Variants in PFKFB1 observed in about 807,000 individuals in gnomAD.
PFKFB1 encodes the protein 6-phosphofructo-2-kinase/fructose-2,6-biphosphatase 1, also known as 6-phosphofructo-2-kinase/fructose-2,6-bisphosphatase 1.
Under a neutral mutation model 46.4 loss-of-function variants are expected in PFKFB1, and 34 were observed. The ratio of observed to expected loss-of-function variants is 0.73; its 90% CI spans 0.56 to 0.98. The LOEUF (loss-of-function observed/expected upper bound fraction) is 0.98. PFKFB1 is among the 50% of genes least tolerant of loss of function. The probability of loss-of-function intolerance (pLI) is 0.00; values close to 1 mark genes in which losing one functional copy is unlikely to be tolerated. For missense variants in PFKFB1, 393 were observed against 376.3 expected (o/e 1.04, Z -0.37); for synonymous variants, 119 against 133.8 (o/e 0.89, Z 0.76).
At chrX:54,936,313 C>T (rs780009245) in intron 11 of PFKFB1, among the ~76,000 whole-genome samples, 1 of 100,104 alleles carries the variant, frequency 1.0e-5, no homozygotes, top group South Asian at 4.6e-4. Context: ...TTCTGTGGGT[C>T]TGCATTCTCA....
At chrX:54,981,943 C>T (rs182833791) in intron 1 of PFKFB1, among the ~76,000 whole-genome samples, 3 of 111,366 alleles carry the variant, frequency 2.7e-5, no homozygotes, top group Non-Finnish European at 5.7e-5. Context: ...TTGCTTATCT[C>T]GTGCGGAAAG....
chrX:54,962,945 T>C (rs1235897478), intron 2 of PFKFB1, among the ~76,000 whole-genome samples: 1 of 112,208 alleles, frequency 8.9e-6, no homozygotes, highest in Non-Finnish European at 1.9e-5. Context: ...ATGGCAATAA[T>C]AGTAATGGCA....
At chrX:54,982,537 A>T (rs1935020557) in intron 1 of PFKFB1, among the ~76,000 whole-genome samples, 1 of 112,158 alleles carries the variant, frequency 8.9e-6, no homozygotes, top group South Asian at 3.6e-4. Flanking sequence ...ATAAAAAGCA[A>T]TACAGTATAA....
At chrX:54,998,553 AC>A (rs1245864343), upstream of PFKFB1, 2 of 559,434 alleles carry the variant, frequency 3.6e-6, no homozygotes, top group Non-Finnish European at 5.8e-6. Flanking sequence ...CTGAGGACGT[AC>A]CCTTGTTAAG....
intron 11 of PFKFB1, among the ~76,000 whole-genome samples, chrX:54,937,321 C>A (rs779357995): frequency 8.9e-6 from 1 of 112,002 alleles, no homozygotes; most frequent in East Asian, 2.8e-4. Context: ...ATATAGCCCA[C>A]ACAATGTGTC....
At chrX:54,994,526 C>A (rs768831549), upstream of PFKFB1, 55 of 752,921 alleles carry the variant, frequency 7.3e-5, no homozygotes, top group African/African-American at 1.3e-3. Flanking sequence ...TGTCAAGCTC[C>A]AACCCAGAAA....
intron 1 of PFKFB1, among the ~76,000 whole-genome samples, chrX:54,970,323 T>A (rs1934613669): frequency 1.8e-5 from 2 of 111,196 alleles, no homozygotes; most frequent in South Asian, 7.7e-4. Context: ...CAATAATTCA[T>A]TTTTTTATTT....
chrX:54,968,726 T>A (rs1484560583), intron 1 of PFKFB1, among the ~76,000 whole-genome samples: 1 of 111,145 alleles, frequency 9.0e-6, no homozygotes, highest in Non-Finnish European at 1.9e-5. Context: ...GAAATTGAAT[T>A]TGTAATTAAA....
chrX:54,980,373 A>G (rs1410414914), intron 1 of PFKFB1, among the ~76,000 whole-genome samples: 1 of 109,675 alleles, frequency 9.1e-6, no homozygotes, highest in Admixed American at 9.7e-5. Flanking sequence ...GCAAAGTAAA[A>G]AACAATGTTT....
intron 8 of PFKFB1, among the ~76,000 whole-genome samples, chrX:54,950,057 A>G (rs2093644087): frequency 8.9e-6 from 1 of 111,864 alleles, no homozygotes; most frequent in Non-Finnish European, 1.9e-5. Flanking sequence ...GGAACCATAA[A>G]GGGCTGTGGG....
rs1313213154 is a variant in PFKFB1 at position 54,935,004 on chromosome X, G to A, written c.1234C>T (p.Leu412Phe). Reference protein sequence around the residue: ...AYFLDKSSDELPYLKCPLHTV... With the variant: ...AYFLDKSSDEFPYLKCPLHTV... Reference sequence around the variant, plus strand: ...TGCAGAGGGCACTTGAGATATGGAAGCTCATCTAGAAAGGAACAGGAAGCA... The same window carrying A: ...TGCAGAGGGCACTTGAGATATGGAAACTCATCTAGAAAGGAACAGGAAGCA... The change falls in exon 12 of 14, where the codon CTT (leucine) becomes TTT (phenylalanine). Residue 412 changes from leucine to phenylalanine, a missense_variant. Transcript: ENST00000375006. 4 of 1,201,976 alleles carry A rather than the reference G, an allele frequency of 3.3e-6. No individual in the cohort carries two copies. Among genetic ancestry groups the A allele is most frequent in the East Asian group, 3.0e-5 (1 of 33,690 alleles).
intron 13 of PFKFB1, 118 bp from the exon 14 acceptor site, chrX:54,933,580 C>T: frequency 2.1e-5 from 13 of 633,494 alleles, no homozygotes; most frequent in Non-Finnish European, 3.3e-5. Flanking sequence ...GGATCCTGAC[C>T]CTCAGGTAGG....
rs762659769 is a variant in PFKFB1, at chrX:54,933,812, C to T, written c.1356+9G>A. The T allele has an allele frequency of 2.5e-6, 3 of 1,203,146 alleles. No homozygotes were observed. Among genetic ancestry groups the T allele is most frequent in the Non-Finnish European group, 3.4e-6 (3 of 887,796 alleles). On this transcript the variant is annotated intron_variant, in intron 13 of 13. Coordinates refer to ENST00000375006, the MANE Select transcript of PFKFB1 (RefSeq NM_002625.4). ...ACAGCCAGCTTGGGCCATGGAGTCCCCCACCTACCTCAGGCTTCTCCCGGT... is the reference window on the plus strand; with the variant it reads ...ACAGCCAGCTTGGGCCATGGAGTCCTCCACCTACCTCAGGCTTCTCCCGGT...
chrX:54,966,272 G>A (rs1037754904), intron 1 of PFKFB1, among the ~76,000 whole-genome samples: 2 of 111,775 alleles, frequency 1.8e-5, no homozygotes, highest in African/African-American at 3.2e-5. Context: ...GAGAATGCAT[G>A]GACAACTATA....
At chrX:54,946,938 T>C (rs1933829308) in intron 9 of PFKFB1, among the ~76,000 whole-genome samples, 1 of 111,949 alleles carries the variant, frequency 8.9e-6, no homozygotes, top group South Asian at 3.7e-4. Flanking sequence ...TCTTGCTTTA[T>C]CTTCATCCTA....
At chrX:54,946,887 A>C in intron 9 of PFKFB1, among the ~76,000 whole-genome samples, 1 of 112,182 alleles carries the variant, frequency 8.9e-6, no homozygotes, top group Non-Finnish European at 1.9e-5. Context: ...ATGAAGTATT[A>C]ATATTTTATT....
At chrX:54,940,272 C>T (rs1382539745) in intron 10 of PFKFB1, among the ~76,000 whole-genome samples, 8 of 111,420 alleles carry the variant, frequency 7.2e-5, no homozygotes, top group Non-Finnish European at 1.5e-4. Flanking sequence ...ATGACAAACC[C>T]ACAGCCAGTA....
At chrX:54,970,457 G>A (rs1440732469) in intron 1 of PFKFB1, among the ~76,000 whole-genome samples, 1 of 98,135 alleles carries the variant, frequency 1.0e-5, no homozygotes, top group Admixed American at 1.1e-4. Context: ...TCTATCATTA[G>A]GTATATCTCC....
upstream of PFKFB1, chrX:54,994,230 T>C (rs1935320073): frequency 2.7e-6 from 2 of 753,372 alleles, no homozygotes; most frequent in African/African-American, 2.3e-5. Context: ...TAGTGGGGTA[T>C]TGGGTGCAGA....
Sources: allele counts gnomAD v4.1 joint callset (sites outside exome capture counted in the v4.1 genomes callset), GRCh38; gene constraint gnomAD v4.1.1; transcripts MANE v1.5; gene names NCBI Gene and HGNC (gene_info 2026-07-23, HGNC 2026-07-21).